The following DPP6 variants were observed in gnomAD, a reference collection of about 807,000 sequenced individuals.
DPP6 encodes the protein A-type potassium channel modulatory protein DPP6.
DPP6 carries 69 observed loss-of-function variants against 122.6 expected under a neutral mutation model. The ratio of observed to expected loss-of-function variants is 0.56; its 90% CI spans 0.46 to 0.69. The LOEUF is 0.69. DPP6 is among the 30% of genes least tolerant of loss of function. The pLI is 0.00. For missense variants in DPP6, 928 were observed against 1,116.9 expected, an observed-to-expected ratio of 0.83 and a Z score of 2.41; for synonymous variants, 418 against 433.1, an observed-to-expected ratio of 0.97 and a Z score of 0.43.
intron 4 of DPP6, among the ~76,000 whole-genome samples, chr7:154,551,033 C>CT (rs1038491767): frequency 3.9e-5 from 6 of 152,110 alleles, no homozygotes; most frequent in Non-Finnish European, 8.8e-5. Flanking sequence ...TATGGCTAAA[C>CT]TTTTTTTGCC....
the DPP6 span, among the ~76,000 whole-genome samples, chr7:153,805,898 T>A: frequency 6.6e-6 from 1 of 151,910 alleles, no homozygotes; most frequent in Non-Finnish European, 1.5e-5. Context: ...ATATACCTAA[T>A]GTAAATGACG....
intron 17 of DPP6, among the ~76,000 whole-genome samples, chr7:154,857,499 G>A (rs1373024114): frequency 6.6e-6 from 1 of 152,196 alleles, no homozygotes; most frequent in Non-Finnish European, 1.5e-5. Flanking sequence ...GCCATGGGAG[G>A]CGTGTGGGGT....
chr7:154,580,847 A>G (rs1015582343), intron 5 of DPP6, among the ~76,000 whole-genome samples: 12 of 152,214 alleles, frequency 7.9e-5, no homozygotes, highest in South Asian at 6.2e-4. Context: ...GAGGAGCTGA[A>G]AGTGCTCAGG....
chr7:153,945,958 C>G (rs2129018703), intron 1 of DPP6, among the ~76,000 whole-genome samples: 1 of 152,290 alleles, frequency 6.6e-6, no homozygotes, highest in Admixed American at 6.5e-5. Flanking sequence ...ATGTGTGTGG[C>G]CACCTTCTGA....
intron 1 of DPP6, among the ~76,000 whole-genome samples, chr7:154,421,063 C>T (rs148287115): frequency 3.9e-5 from 6 of 152,168 alleles, no homozygotes; most frequent in Admixed American, 3.9e-4. Flanking sequence ...TACCAGGATT[C>T]GAAGTCTGAG....
upstream of DPP6, among the ~76,000 whole-genome samples, chr7:153,886,570 G>A (rs1204501018): frequency 1.3e-5 from 2 of 152,184 alleles, no homozygotes; most frequent in Non-Finnish European, 2.9e-5. Context: ...GGAAGTGGAG[G>A]CCGGGAAGCC....
chr7:154,451,415 C>T (rs552479737), intron 2 of DPP6, among the ~76,000 whole-genome samples: 7 of 151,742 alleles, frequency 4.6e-5, no homozygotes, highest in African/African-American at 7.3e-5. Context: ...CTTCTTACAC[C>T]GAAATGTCCA....
At chr7:154,413,563 C>T (rs1427751590) in intron 1 of DPP6, among the ~76,000 whole-genome samples, 1 of 152,162 alleles carries the variant, frequency 6.6e-6, no homozygotes, top group Non-Finnish European at 1.5e-5. Flanking sequence ...TACGTTTTAA[C>T]AACATTTAGT....
intron 7 of DPP6, among the ~76,000 whole-genome samples, chr7:154,687,295 C>A (rs916511484): frequency 6.6e-6 from 1 of 152,176 alleles, no homozygotes; most frequent in East Asian, 1.9e-4. Context: ...ACAAATGTAT[C>A]ACAATGCCTT....
chr7:154,865,496 G>A (rs1283442933), intron 17 of DPP6: 1 of 152,166 alleles, frequency 6.6e-6, no homozygotes, highest in African/African-American at 2.4e-5. Flanking sequence ...ATTAACTTAG[G>A]TGCATCATTA....
intron 17 of DPP6, among the ~76,000 whole-genome samples, chr7:154,860,829 G>A (rs986750919): frequency 3.3e-5 from 5 of 152,318 alleles, no homozygotes; most frequent in East Asian, 1.9e-4. Flanking sequence ...AGGACACAGC[G>A]GGCAGCTGCC....
In DPP6 at chr7:154,185,443, G is replaced by A. The variant is rs550114188; in HGVS notation, c.243+132380G>A. Among the ~76,000 whole-genome samples the A allele has an allele frequency of 4.6e-5, 7 of 152,230 alleles. No homozygotes were observed. The South Asian group carries it at 6.2e-4, about 14-fold the overall frequency. On this transcript the variant is annotated intron_variant, in intron 1 of 25. Transcript: ENST00000377770. ...ACGCTGGGTATCAATATCAGAGTCC[G>A]TTCCATCAGTGCTTAGGGTCTAGAA...
the DPP6 span, among the ~76,000 whole-genome samples, chr7:153,854,325 C>T: frequency 0.19 from 28,735 of 151,808 alleles, 2,808 homozygotes; most frequent in South Asian, 0.26. Context: ...ACTTGGTGAT[C>T]GCAACCTACT....
At chr7:154,521,987 C>T (rs1358797293) in intron 3 of DPP6, among the ~76,000 whole-genome samples, 2 of 151,484 alleles carry the variant, frequency 1.3e-5, no homozygotes, top group Non-Finnish European at 2.9e-5. Flanking sequence ...TTCTTTGAGA[C>T]GGAGTCTTGC....
chr7:154,160,981 A>G lies in DPP6; in HGVS notation c.243+107918A>G, dbSNP rs376287406. On this transcript the variant is annotated intron_variant, in intron 1 of 25. Coordinates refer to ENST00000377770, the MANE Select transcript of DPP6 (RefSeq NM_130797.4). ...TGCCTACAATTCCCAAATTAAAAATACCAGTTCCTTTACAACCAGCAGTGG... is the reference window on the plus strand; with the variant it reads ...TGCCTACAATTCCCAAATTAAAAATGCCAGTTCCTTTACAACCAGCAGTGG... Among the ~76,000 whole-genome samples the G allele has an allele frequency of 2.9e-3, 438 of 152,276 alleles. 3 individuals are homozygous for G. Among genetic ancestry groups the G allele is most frequent in the African/African-American group, 0.01 (424 of 41,556 alleles).
chr7:154,468,486 T>C (rs10278823), intron 2 of DPP6, among the ~76,000 whole-genome samples: 19,717 of 152,216 alleles, frequency 0.13, 4,284 homozygotes, highest in African/African-American at 0.45. Context: ...AATAAAGGTG[T>C]CAAGAAAGGA....
At chr7:154,194,340 G>C (rs904020571) in intron 1 of DPP6, among the ~76,000 whole-genome samples, 1 of 152,218 alleles carries the variant, frequency 6.6e-6, no homozygotes, top group African/African-American at 2.4e-5. Flanking sequence ...AATTGGTAAT[G>C]AATCAGATGC....
At chr7:154,632,986 A>C (rs565611549) in intron 5 of DPP6, among the ~76,000 whole-genome samples, 5 of 152,238 alleles carry the variant, frequency 3.3e-5, no homozygotes, top group Non-Finnish European at 7.3e-5. Flanking sequence ...TATTAAAAAA[A>C]TAATTTGCTG....
chr7:154,045,727 T>C (rs1158179313), intron 1 of DPP6, among the ~76,000 whole-genome samples: 1 of 152,192 alleles, frequency 6.6e-6, no homozygotes, highest in Non-Finnish European at 1.5e-5. Flanking sequence ...AGCAAGAAAT[T>C]GAGAAAACGG....
Sources: allele counts gnomAD v4.1 joint callset (sites outside exome capture counted in the v4.1 genomes callset), GRCh38; gene constraint gnomAD v4.1.1; transcripts MANE v1.5; gene names NCBI Gene and HGNC (gene_info 2026-07-23, HGNC 2026-07-21).